The following ERP44 variants were observed in gnomAD, a reference collection of about 807,000 sequenced individuals.
ERP44 encodes endoplasmic reticulum resident protein 44.
Under a neutral mutation model 53.4 loss-of-function variants are expected in ERP44, and 25 were observed. The ratio of observed to expected loss-of-function variants is 0.47; its 90% confidence interval spans 0.34 to 0.65. The LOEUF is 0.65. Ranked by LOEUF, ERP44 falls within the 30% of genes least tolerant of loss-of-function variation. The pLI is 0.01. For missense variants in ERP44, 338 were observed against 493.2 expected, an observed-to-expected ratio of 0.69 and a Z score of 2.98; for synonymous variants, 145 against 161.2, an observed-to-expected ratio of 0.90 and a Z score of 0.76.
intron 10 of ERP44, among the ~76,000 whole-genome samples, chr9:100,004,633 C>G (rs1319821777): frequency 6.6e-6 from 1 of 152,176 alleles, no homozygotes; most frequent in Non-Finnish European, 1.5e-5. Context: ...GGGTATCTCT[C>G]TCCATACTGT....
At chr9:100,012,291 T>C (rs758321095) in intron 8 of ERP44, among the ~76,000 whole-genome samples, 2 of 152,202 alleles carry the variant, frequency 1.3e-5, no homozygotes, top group African/African-American at 2.4e-5. Flanking sequence ...TCTAGTGCAA[T>C]AGAGCCTGAT....
chr9:99,985,191 C>A (rs777666334), intron 10 of ERP44, 122 bp from the exon 11 acceptor site: 15 of 638,392 alleles, frequency 2.3e-5, no homozygotes, highest in Non-Finnish European at 3.9e-5. Context: ...ACAACTATTG[C>A]AGGCCAGGTA....
chr9:100,007,618 T>C lies in ERP44; in HGVS notation c.834A>G (p.Ile278Met). 1 of 1,600,352 alleles carries C rather than the reference T, an allele frequency of 6.2e-7. No individual in the cohort carries two copies. Among genetic ancestry groups the C allele is most frequent in the Non-Finnish European group, 8.6e-7 (1 of 1,167,448 alleles). Residue 278 changes from isoleucine to methionine, a missense_variant, in exon 9 of 12, where the codon ATA becomes ATG. By Grantham distance (10) the Ile-to-Met change is conservative (BLOSUM62 1). This residue lies in a region of ERP44 where 113 missense variants were observed against 172.6 expected (regional missense o/e 0.65). Coordinates refer to ENST00000262455, the MANE Select transcript of ERP44 (RefSeq NM_015051.3). ...ATTGCCGAGCTACTTCATTCTGGAATATTTCTAAACTTTCTGTATCTTCTT... is the reference window on the plus strand; with the variant it reads ...ATTGCCGAGCTACTTCATTCTGGAACATTTCTAAACTTTCTGTATCTTCTT... Reference protein sequence around the residue: ...HMKEDTESLEIFQNEVARQLI... With the variant: ...HMKEDTESLEMFQNEVARQLI...
At chr9:100,025,366 G>A (rs1830640918) in intron 4 of ERP44, among the ~76,000 whole-genome samples, 1 of 152,128 alleles carries the variant, frequency 6.6e-6, no homozygotes, top group South Asian at 2.1e-4. Context: ...GAATATAGAT[G>A]CAAAACTTGA....
Position 99,982,382 on chromosome 9 carries a change from T to G in ERP44, c.*230A>C. On this transcript the variant is annotated 3_prime_UTR_variant, in exon 12 of 12. Coordinates refer to ENST00000262455, the MANE Select transcript of ERP44 (RefSeq NM_015051.3). ...TTACAGGACAGATTTAAAGTGGAGATAGGCCTCTGATTTTTATTTTTAAAT... is the reference window on the plus strand; with the variant it reads ...TTACAGGACAGATTTAAAGTGGAGAGAGGCCTCTGATTTTTATTTTTAAAT... 8.7e-6 allele frequency: 2 copies of G among 228,964 alleles called. No homozygotes were observed. Among genetic ancestry groups the G allele is most frequent in the Non-Finnish European group, 1.7e-5 (2 of 121,086 alleles). The allele number at this position is 228,964 out of a possible 1,614,324, so 14.2% of individuals were successfully genotyped here.
intron 8 of ERP44, among the ~76,000 whole-genome samples, chr9:100,011,394 T>C (rs916733806): frequency 7.9e-5 from 12 of 152,054 alleles, no homozygotes; most frequent in African/African-American, 2.2e-4. Context: ...AATCTATATA[T>C]CCAGTATTAA....
At chr9:100,025,610 C>T (rs1418987048) in intron 4 of ERP44, among the ~76,000 whole-genome samples, 1 of 151,920 alleles carries the variant, frequency 6.6e-6, no homozygotes, top group Non-Finnish European at 1.5e-5. Context: ...AAGAGAACTT[C>T]CTTAATTGAA....
At chr9:99,985,255 G>T (rs1235799950) in intron 10 of ERP44, among the ~76,000 whole-genome samples, 186 bp from the exon 11 acceptor site, 1 of 152,092 alleles carries the variant, frequency 6.6e-6, no homozygotes, top group Non-Finnish European at 1.5e-5. Flanking sequence ...ACTCAGTTTT[G>T]TATTCTAATT....
intron 1 of ERP44, among the ~76,000 whole-genome samples, chr9:100,095,618 T>C (rs1190480851): frequency 6.6e-6 from 1 of 152,134 alleles, no homozygotes; most frequent in Non-Finnish European, 1.5e-5. Flanking sequence ...AATTTTTTTT[T>C]AAAACTAATT....
At position 99,991,768 on chromosome 9, in the gene ERP44, G is replaced by C. The variant is rs190908308; in HGVS notation, c.1017-6699C>G. Among the ~76,000 whole-genome samples the C allele has an allele frequency of 6.1e-3, 926 of 152,168 alleles. 6 individuals carry two copies. Among genetic ancestry groups the C allele is most frequent in the Non-Finnish European group, 0.011 (732 of 68,010 alleles). On this transcript the variant is annotated intron_variant, in intron 10 of 11. Transcript: ENST00000262455. ...GATCAACAAAATTGATAGACTGCTA[G>C]CAAGACTAATAAAGAAGAAAAGAGA...
chr9:100,058,436 G>A (rs1039990402), intron 2 of ERP44, among the ~76,000 whole-genome samples: 2 of 152,112 alleles, frequency 1.3e-5, no homozygotes, highest in East Asian at 3.9e-4. Flanking sequence ...GATAAGGCAA[G>A]TAAGCTACGA....
At chr9:100,039,726 T>C (rs1283037246) in intron 4 of ERP44, among the ~76,000 whole-genome samples, 1 of 151,678 alleles carries the variant, frequency 6.6e-6, no homozygotes, top group Non-Finnish European at 1.5e-5. Context: ...AAAGCACAGG[T>C]AACAAAAAGT....
chr9:100,007,697 G>A lies in ERP44; in HGVS notation c.763-8C>T, dbSNP rs1243977824. 1 of 1,360,362 alleles carries A rather than the reference G, an allele frequency of 7.4e-7. No individual in the cohort carries two copies. The highest frequency in any genetic ancestry group is 1.1e-6 in the Non-Finnish European group (1 of 948,898). 84.3% of individuals were successfully genotyped at this position (1,360,362 alleles called of 1,614,324 possible). ...TCCTTCTTCTGTCAATTCCTGTAGA[G>A]AGAAGCATTCAATGAGAATTATCAG... On this transcript the variant is annotated splice_region_variant and splice_polypyrimidine_tract_variant and intron_variant, in intron 8 of 11. Transcript: ENST00000262455.
chr9:99,998,458 AC>A, intron 10 of ERP44: 2 of 671,420 alleles, frequency 3.0e-6, no homozygotes, highest in Non-Finnish European at 5.5e-6. Flanking sequence ...GACCGTCATC[AC>A]ACCTCTGCAC....
intron 8 of ERP44, among the ~76,000 whole-genome samples, chr9:100,008,336 C>G (rs931941801): frequency 1.3e-5 from 2 of 152,084 alleles, no homozygotes; most frequent in Non-Finnish European, 2.9e-5. Context: ...TTTATACACA[C>G]AGAAAAGCAC....
At chr9:100,042,564 A>G (rs1314839519) in intron 4 of ERP44, among the ~76,000 whole-genome samples, 2 of 152,214 alleles carry the variant, frequency 1.3e-5, no homozygotes, top group East Asian at 3.8e-4. Context: ...CTAGGTATAC[A>G]CCCAAAGGAA....
At chr9:100,070,187 TTGA>T (rs995272392) in intron 1 of ERP44, among the ~76,000 whole-genome samples, 9 of 152,190 alleles carry the variant, frequency 5.9e-5, no homozygotes, top group Admixed American at 3.3e-4. Flanking sequence ...CCCAGGAAAC[TTGA>T]TGAGAGAAAG....
intron 7 of ERP44, among the ~76,000 whole-genome samples, chr9:100,017,641 A>T (rs1160919151): frequency 6.6e-6 from 1 of 152,248 alleles, no homozygotes; most frequent in East Asian, 1.9e-4. Context: ...GAAAACTATA[A>T]ATTGAAAAAA....
intron 10 of ERP44, chr9:99,998,154 TTC>T (rs1830333866): frequency 5.1e-6 from 1 of 197,788 alleles, no homozygotes; most frequent in African/African-American, 2.4e-5. Context: ...TTAGAATGGT[TTC>T]TGTGTGTTTC....
Sources: gnomAD v4.1 joint callset for allele counts (sites outside exome capture counted in the v4.1 genomes callset) on GRCh38, gnomAD v4.1.1 for gene constraint, gnomAD v4.1.1 regional missense constraint, MANE v1.5 for transcripts, NCBI Gene and HGNC (gene_info 2026-07-23, HGNC 2026-07-21) for gene names.